GULP1: variants seen among roughly 807,000 people sequenced by gnomAD.
GULP1 encodes the protein GULP PTB domain containing engulfment adaptor 1.
GULP1 carries 19 observed loss-of-function variants against 40.9 expected under a neutral mutation model. The observed-to-expected ratio is 0.46, with a 90% CI of 0.32 to 0.68. GULP1 has a LOEUF of 0.68. GULP1 is among the 30% of genes least tolerant of loss of function. The pLI, the probability that GULP1 is intolerant of heterozygous loss-of-function variation, is 0.03. For synonymous variants in GULP1, 119 were observed against 117.6 expected (o/e 1.01, Z -0.08); for missense variants, 312 against 362.2 (o/e 0.86, Z 1.12).
intron 2 of GULP1, among the ~76,000 whole-genome samples, chr2:188,400,150 C>T (rs1175942935): frequency 2.0e-5 from 3 of 151,916 alleles, no homozygotes; most frequent in African/African-American, 7.3e-5. Flanking sequence ...TCTTTTTTTT[C>T]CAGCTTCTAG....
At chr2:188,399,158 A>G (rs1344986152) in intron 2 of GULP1, among the ~76,000 whole-genome samples, 1 of 152,182 alleles carries the variant, frequency 6.6e-6, no homozygotes, top group Non-Finnish European at 1.5e-5. Context: ...CAAAAAATGC[A>G]TTTTGCTGAA....
At chr2:188,429,497 C>T (rs773874573) in intron 2 of GULP1, among the ~76,000 whole-genome samples, 2 of 150,950 alleles carry the variant, frequency 1.3e-5, no homozygotes, top group Non-Finnish European at 3.0e-5. Context: ...AAGACTCTGT[C>T]TCAAAAAAAA....
intron 2 of GULP1, among the ~76,000 whole-genome samples, chr2:188,444,581 C>G (rs2058222442): frequency 6.6e-6 from 1 of 152,102 alleles, no homozygotes; most frequent in African/African-American, 2.4e-5. Context: ...CTTTCCTGAA[C>G]TTTGGGTCAC....
intron 6 of GULP1, among the ~76,000 whole-genome samples, chr2:188,540,328 C>T (rs1200753640): frequency 6.6e-6 from 1 of 151,814 alleles, no homozygotes; most frequent in Admixed American, 6.6e-5. Flanking sequence ...GTCAAATGCT[C>T]CATCTTTTGA....
chr2:188,493,295 G>T (rs1354654384), intron 4 of GULP1, among the ~76,000 whole-genome samples: 1 of 28,886 alleles, frequency 3.5e-5, no homozygotes, highest in Non-Finnish European at 2.5e-4. Context: ...TTATTCTCCT[G>T]TAGAAAAAAA....
At chr2:188,334,889 A>G (rs2042064996) in intron 1 of GULP1, among the ~76,000 whole-genome samples, 1 of 152,216 alleles carries the variant, frequency 6.6e-6, no homozygotes, top group Non-Finnish European at 1.5e-5. Flanking sequence ...ACAAGTTGTG[A>G]TGGAAATAAT....
At chr2:188,298,847 C>T (rs10171583) in intron 1 of GULP1, among the ~76,000 whole-genome samples, 3,593 of 152,208 alleles carry the variant, frequency 0.024, 150 homozygotes, top group African/African-American at 0.081. Flanking sequence ...AGTAAATGCT[C>T]GGTGCTGCCA....
At chr2:188,528,159 A>G (rs2153232619) in intron 5 of GULP1, among the ~76,000 whole-genome samples, 1 of 152,258 alleles carries the variant, frequency 6.6e-6, no homozygotes, top group African/African-American at 2.4e-5. Context: ...AATTAAAATC[A>G]AGATGCCCAG....
At chr2:188,417,107 G>A (rs2054683660) in intron 2 of GULP1, among the ~76,000 whole-genome samples, 1 of 152,118 alleles carries the variant, frequency 6.6e-6, no homozygotes, top group African/African-American at 2.4e-5. Context: ...ATACAAGATT[G>A]TTTTGTTTTT....
chr2:188,510,888 C>T (rs2064456572), intron 4 of GULP1, among the ~76,000 whole-genome samples: 1 of 151,354 alleles, frequency 6.6e-6, no homozygotes, highest in African/African-American at 2.4e-5. Flanking sequence ...AACCCAAATC[C>T]TAGTGGCTTA....
At chr2:188,580,899 G>A (rs993350057) in intron 9 of GULP1, among the ~76,000 whole-genome samples, 1 of 152,128 alleles carries the variant, frequency 6.6e-6, no homozygotes, top group Non-Finnish European at 1.5e-5. Context: ...TGTGATTTGC[G>A]GCTGAGGAAT....
intron 2 of GULP1, among the ~76,000 whole-genome samples, chr2:188,394,265 A>G (rs2050922381): frequency 6.6e-6 from 1 of 152,022 alleles, no homozygotes; most frequent in Non-Finnish European, 1.5e-5. Flanking sequence ...GTTAATTCAA[A>G]AGCTTTGTCT....
intron 4 of GULP1, among the ~76,000 whole-genome samples, chr2:188,498,768 A>G (rs1185025055): frequency 1.3e-5 from 2 of 151,836 alleles, no homozygotes; most frequent in African/African-American, 4.8e-5. Flanking sequence ...AGTGTTTGAC[A>G]TGATGGATAT....
At chr2:188,352,618 T>TCACA (rs66499080) in intron 1 of GULP1, among the ~76,000 whole-genome samples, 1,388 of 134,484 alleles carry the variant, frequency 0.01, 36 homozygotes, top group African/African-American at 0.038. Flanking sequence ...TCTCTCTCTC[T>TCACA]CACACACACA....
chr2:188,421,695 A>G (rs1458934377), intron 2 of GULP1, among the ~76,000 whole-genome samples: 1 of 152,158 alleles, frequency 6.6e-6, no homozygotes, highest in South Asian at 2.1e-4. Context: ...GATTATATAG[A>G]TAGATTTATA....
At chr2:188,373,073 G>T (rs1000638062) in intron 1 of GULP1, among the ~76,000 whole-genome samples, 35 of 101,578 alleles carry the variant, frequency 3.4e-4, no homozygotes, top group African/African-American at 1.5e-3. Context: ...TGGAGCTGGG[G>T]AAGGGAATGA....
chr2:188,516,939 A>G (rs1484756220), intron 4 of GULP1, among the ~76,000 whole-genome samples: 2 of 152,062 alleles, frequency 1.3e-5, no homozygotes, highest in African/African-American at 4.8e-5. Flanking sequence ...TCTCCTCTGA[A>G]CATCCTATTT....
At chr2:188,342,414 G>T (rs761945205) in intron 1 of GULP1, among the ~76,000 whole-genome samples, 3 of 152,096 alleles carry the variant, frequency 2.0e-5, no homozygotes, top group Non-Finnish European at 4.4e-5. Flanking sequence ...TAAGGACACT[G>T]ATCATCACTG....
At chr2:188,378,820 A>T (rs979988556) in intron 1 of GULP1, among the ~76,000 whole-genome samples, 1 of 152,196 alleles carries the variant, frequency 6.6e-6, no homozygotes, top group African/African-American at 2.4e-5. Flanking sequence ...ATTGGGGATC[A>T]CATTTCAACA....
Sources: gnomAD v4.1 joint callset for allele counts (sites outside exome capture counted in the v4.1 genomes callset) on GRCh38, gnomAD v4.1.1 for gene constraint, MANE v1.5 for transcripts, NCBI Gene and HGNC (gene_info 2026-07-23, HGNC 2026-07-21) for gene names.